UBR1: variants seen among roughly 807,000 people sequenced by gnomAD.
UBR1 encodes the protein E3 ubiquitin-protein ligase UBR1.
UBR1 carries 102 observed loss-of-function variants against 242.1 expected under a neutral mutation model. The ratio of observed to expected loss-of-function variants is 0.42; its 90% CI spans 0.36 to 0.50. The LOEUF is 0.50. UBR1 is among the 20% of genes least tolerant of loss of function. The pLI is 0.01. For missense variants in UBR1, 1,772 were observed against 2,101.8 expected, an observed-to-expected ratio of 0.84 and a Z score of 3.07; for synonymous variants, 675 against 684.8, an observed-to-expected ratio of 0.99 and a Z score of 0.22.
intron 29 of UBR1, among the ~76,000 whole-genome samples, chr15:43,013,882 C>A (rs868406609): frequency 3.3e-5 from 5 of 152,002 alleles, no homozygotes; most frequent in Non-Finnish European, 7.4e-5. Flanking sequence ...CCCTCCCCCT[C>A]CCCACGGTCT....
In UBR1 at chr15:42,960,691, C is replaced by G. The variant is rs1169902581; in HGVS notation, c.4711G>C (p.Asp1571His). ...TTCAAACAGTTTAGTAAGGCAGGAT[C>G]TGCACACCACCTGTATGTGGAGCCA... ...VRPLLQRWCA[D>H]PALLNCLKQK... The change falls in exon 43 of 47, where the codon GAT becomes CAT. Residue 1571 changes from aspartate (D) to histidine (H), a missense_variant. Asp to His is a moderately conservative substitution (Grantham distance 81, BLOSUM62 -1). Transcript: ENST00000290650. 1 of 1,613,972 alleles carries G rather than the reference C, an allele frequency of 6.2e-7. No individual in the cohort carries two copies. The highest frequency in any genetic ancestry group is 2.2e-5 in the East Asian group (1 of 44,858).
At position 43,025,508 on chromosome 15, in the gene UBR1, CCCAA is replaced by C. The variant is rs143530104; in HGVS notation, c.2536-83_2536-80del. The stretch of plus-strand genomic sequence containing the variant: ...AATACATTAAAGCAGTCAGGAAAGA[CCCAA>C]CCACCTATTAAAATACTTTATATAC... On this transcript the variant is annotated intron_variant, in intron 23 of 46. Transcript: ENST00000290650. 3.5e-4 allele frequency: 363 copies of C among 1,027,284 alleles called. No individual in the cohort carries two copies. The African/African-American group carries it at 5.4e-3, about 15-fold the overall frequency. 63.6% of individuals were successfully genotyped at this position (1,027,284 alleles called of 1,614,324 possible).
intron 36 of UBR1, 99 bp downstream of exon 36, chr15:42,984,788 T>C: frequency 8.9e-7 from 1 of 1,120,218 alleles, no homozygotes; most frequent in Non-Finnish European, 1.3e-6. Context: ...TGCTAATTTT[T>C]ACAGAAAATG....
At chr15:43,051,635 C>T (rs1256945231) in intron 12 of UBR1, among the ~76,000 whole-genome samples, 1 of 152,158 alleles carries the variant, frequency 6.6e-6, no homozygotes, top group Non-Finnish European at 1.5e-5. Flanking sequence ...ACATTAAAAT[C>T]TGAGAAGCAC....
In UBR1 at chr15:43,010,754, C is replaced by T. The variant is rs145348998; in HGVS notation, c.3210-3470G>A. Among the ~76,000 whole-genome samples the T allele has an allele frequency of 9.1e-3, 1,340 of 146,458 alleles. 17 individuals carry two copies. The highest frequency in any genetic ancestry group is 0.032 in the African/African-American group (1,274 of 39,346). On this transcript the variant is annotated intron_variant, in intron 29 of 46. Transcript: ENST00000290650. ...CTGGGAGGCTGAAGTGGGAAGATCA[C>T]TTGAGGCCAGGAGTTCGAGACCAGC...
rs118089933 is a variant in UBR1 at position 42,944,529 on chromosome 15, T to C, written c.*800A>G. The C allele has an allele frequency of 7.2e-5, 11 of 152,354 alleles. No individual in the cohort carries two copies. The East Asian group carries it at 2.1e-3, about 29-fold the overall frequency. 9.4% of individuals were successfully genotyped at this position (152,354 alleles called of 1,614,324 possible). ...TTACATCAGAATTACAAGAGGTTTC[T>C]GAGAGTCAAACAGGATGGTGCCACA... On this transcript the variant is annotated 3_prime_UTR_variant, in exon 47 of 47. Coordinates refer to ENST00000290650, the MANE Select transcript of UBR1 (RefSeq NM_174916.3).
chr15:43,059,600 A>T, intron 8 of UBR1, 102 bp downstream of exon 8: 5 of 1,411,580 alleles, frequency 3.5e-6, no homozygotes, highest in Non-Finnish European at 4.8e-6. Context: ...AAAAAAAAAA[A>T]AAAAGAAAAA....
intron 20 of UBR1, among the ~76,000 whole-genome samples, chr15:43,030,311 A>C (rs112778705): frequency 1.3e-5 from 2 of 152,192 alleles, no homozygotes; most frequent in South Asian, 4.1e-4. Context: ...CATACAAACA[A>C]ACACACATAC....
chr15:42,955,181 C>T (rs2031899021), intron 44 of UBR1, among the ~76,000 whole-genome samples: 1 of 152,002 alleles, frequency 6.6e-6, no homozygotes, highest in Non-Finnish European at 1.5e-5. Context: ...CAAAACAAAA[C>T]AAAACAAAAA....
chr15:43,091,380 G>A (rs563577251), intron 1 of UBR1, among the ~76,000 whole-genome samples: 96 of 152,190 alleles, frequency 6.3e-4, no homozygotes, highest in African/African-American at 2.2e-3. Flanking sequence ...TTTCAGATTT[G>A]GAATGTTCAA....
At chr15:42,954,318 T>G (rs2031882445) in intron 44 of UBR1, among the ~76,000 whole-genome samples, 1 of 152,176 alleles carries the variant, frequency 6.6e-6, no homozygotes, top group African/African-American at 2.4e-5. Context: ...GCTAATTGTT[T>G]GAGGGCTGAA....
chr15:42,959,746 G>A (rs1436243922), intron 43 of UBR1, among the ~76,000 whole-genome samples: 1 of 152,204 alleles, frequency 6.6e-6, no homozygotes, highest in Non-Finnish European at 1.5e-5. Context: ...TACTGCATCT[G>A]AGCACAGAGG....
intron 12 of UBR1, among the ~76,000 whole-genome samples, chr15:43,049,960 G>A (rs139642668): frequency 4.3e-4 from 64 of 148,440 alleles, no homozygotes; most frequent in Non-Finnish European, 8.2e-4. Context: ...CCCTGCCCCC[G>A]TTTTTTTTTT....
intron 46 of UBR1, among the ~76,000 whole-genome samples, chr15:42,946,500 A>G (rs1338609481): frequency 6.6e-6 from 1 of 152,170 alleles, no homozygotes; most frequent in Non-Finnish European, 1.5e-5. Context: ...TAAGATTCTC[A>G]GTCATTAACT....
chr15:43,015,138 G>A (rs1173501133), intron 29 of UBR1, among the ~76,000 whole-genome samples: 1 of 152,242 alleles, frequency 6.6e-6, no homozygotes, highest in African/African-American at 2.4e-5. Flanking sequence ...CCGTCTGGGA[G>A]GTGTACCCAA....
chr15:42,948,571 A>C (rs1286464744), intron 46 of UBR1, among the ~76,000 whole-genome samples: 26 of 151,670 alleles, frequency 1.7e-4, no homozygotes, highest in Admixed American at 1.7e-3. Context: ...CAATGAACTC[A>C]AACAAATTTA....
At chr15:43,051,394 G>C (rs2033552998) in intron 12 of UBR1, among the ~76,000 whole-genome samples, 1 of 152,156 alleles carries the variant, frequency 6.6e-6, no homozygotes, top group Non-Finnish European at 1.5e-5. Context: ...ACACATAGAG[G>C]GGAACAACAC....
chr15:42,945,616 TCACCA>T, intron 46 of UBR1, 146 bp from the exon 47 acceptor site: 2 of 26,986 alleles, frequency 7.4e-5, no homozygotes, highest in South Asian at 8.6e-4. Context: ...TATTTTCCCT[TCACCA>T]TTGATCACTA....
At chr15:43,054,720 C>A (rs2141333015) in intron 12 of UBR1, 22 bp downstream of exon 12, 1 of 1,613,836 alleles carries the variant, frequency 6.2e-7, no homozygotes, top group Non-Finnish European at 8.5e-7. Context: ...GGTGCCCTCA[C>A]CTTTTGACTT....
Sources: gnomAD v4.1 joint callset for allele counts (sites outside exome capture counted in the v4.1 genomes callset) on GRCh38, gnomAD v4.1.1 for gene constraint, MANE v1.5 for transcripts, NCBI Gene and HGNC (gene_info 2026-07-23, HGNC 2026-07-21) for gene names.